The following CADM2 variants were observed in gnomAD, a reference collection of about 807,000 sequenced individuals.
The protein encoded by CADM2 is cell adhesion molecule 2.
Under a neutral mutation model 49.8 loss-of-function variants are expected in CADM2, and 12 were observed. The observed-to-expected ratio is 0.24, with a 90% CI of 0.15 to 0.39. CADM2 has a LOEUF of 0.39. Among genes scored for constraint, CADM2 ranks in the 10% least tolerant of loss-of-function variants. CADM2 has a pLI of 1.00. For missense variants in CADM2, 378 were observed against 492.3 expected (o/e 0.77, Z 2.20); for synonymous variants, 214 against 175.4 (o/e 1.22, Z -1.74).
intron 1 of CADM2, among the ~76,000 whole-genome samples, chr3:85,618,778 A>G (rs62263917): frequency 0.57 from 85,851 of 151,796 alleles, 25,795 homozygotes; most frequent in East Asian, 0.82. Context: ...TCTACTGATC[A>G]AAATTTGTGA....
intron 1 of CADM2, among the ~76,000 whole-genome samples, chr3:85,271,474 A>G (rs1393714392): frequency 6.6e-6 from 1 of 151,314 alleles, no homozygotes; most frequent in Non-Finnish European, 1.5e-5. Context: ...GTTTTGAAAC[A>G]GAAGGCGTTT....
intron 1 of CADM2, among the ~76,000 whole-genome samples, chr3:85,436,653 GA>G (rs1217176754): frequency 6.6e-6 from 1 of 152,090 alleles, no homozygotes; most frequent in Non-Finnish European, 1.5e-5. Context: ...ATTTGAAAGT[GA>G]AAGCAGAAAT....
At chr3:85,263,595 G>T (rs938604102) in intron 1 of CADM2, among the ~76,000 whole-genome samples, 3 of 152,048 alleles carry the variant, frequency 2.0e-5, no homozygotes, top group Admixed American at 6.6e-5. Flanking sequence ...CATGACTCCA[G>T]TGCCAGTGCT....
rs146175218 is a variant in CADM2, at chr3:85,797,399, C to T, written c.89-4648C>T. Among the ~76,000 whole-genome samples the T allele has an allele frequency of 3.7e-3, 561 of 152,242 alleles. 2 individuals carry two copies. The highest frequency in any genetic ancestry group is 0.013 in the African/African-American group (537 of 41,554). On this transcript the variant is annotated intron_variant, in intron 2 of 9. Coordinates refer to ENST00000383699, the MANE Select transcript of CADM2 (RefSeq NM_001167675.2). The stretch of plus-strand genomic sequence containing the variant: ...TTAAGTATTTCTCCAAATGCTATCC[C>T]TCCCCTTACCCCACTACCCCAACAG...
At chr3:85,312,653 A>G (rs1215569418) in intron 1 of CADM2, among the ~76,000 whole-genome samples, 3 of 152,198 alleles carry the variant, frequency 2.0e-5, no homozygotes, top group Admixed American at 1.3e-4. Flanking sequence ...CTCACTATAA[A>G]AATCTAACAG....
At chr3:85,777,510 C>G (rs908717377) in intron 2 of CADM2, among the ~76,000 whole-genome samples, 8 of 152,084 alleles carry the variant, frequency 5.3e-5, no homozygotes, top group Admixed American at 1.3e-4. Context: ...CCGCCTTGGG[C>G]TCCCAAAGTG....
chr3:85,880,109 A>G (rs573505222), intron 3 of CADM2, among the ~76,000 whole-genome samples: 242 of 152,264 alleles, frequency 1.6e-3, no homozygotes, highest in African/African-American at 5.5e-3. Flanking sequence ...GTCTTTATTT[A>G]TAGAGTTTTT....
At chr3:85,679,689 C>T (rs1252452342) in intron 1 of CADM2, among the ~76,000 whole-genome samples, 2 of 152,122 alleles carry the variant, frequency 1.3e-5, no homozygotes, top group Non-Finnish European at 2.9e-5. Flanking sequence ...CCAGCCTGAG[C>T]GCTGCCATTT....
At chr3:85,061,523 G>T (rs1298525672) in intron 1 of CADM2, among the ~76,000 whole-genome samples, 3 of 152,156 alleles carry the variant, frequency 2.0e-5, no homozygotes, top group Admixed American at 6.5e-5. Flanking sequence ...AACATCGGGA[G>T]TATTCCTAAC....
intron 5 of CADM2, among the ~76,000 whole-genome samples, chr3:85,907,654 T>C (rs932517963): frequency 2.6e-5 from 4 of 152,124 alleles, no homozygotes; most frequent in African/African-American, 4.8e-5. Flanking sequence ...CTCACACCTA[T>C]AATCCTAGCA....
At chr3:85,942,342 T>G (rs996697573) in intron 7 of CADM2, among the ~76,000 whole-genome samples, 12 of 151,960 alleles carry the variant, frequency 7.9e-5, no homozygotes, top group Non-Finnish European at 1.5e-4. Context: ...GTTTGTTTGT[T>G]TTTTATTATA....
At chr3:85,079,638 A>G (rs2037086194) in intron 1 of CADM2, among the ~76,000 whole-genome samples, 1 of 151,970 alleles carries the variant, frequency 6.6e-6, no homozygotes, top group East Asian at 1.9e-4. Context: ...CAACACAGTC[A>G]TTATCCTTTG....
At chr3:85,849,790 T>C (rs1438738491) in intron 3 of CADM2, among the ~76,000 whole-genome samples, 2 of 152,156 alleles carry the variant, frequency 1.3e-5, no homozygotes, top group African/African-American at 4.8e-5. Context: ...TAGGATGTGT[T>C]CAAATTTAGT....
intron 1 of CADM2, among the ~76,000 whole-genome samples, chr3:85,080,043 C>A (rs1217092928): frequency 6.6e-6 from 1 of 151,910 alleles, no homozygotes; most frequent in African/African-American, 2.4e-5. Context: ...AGAAAAAAAA[C>A]TTCTTAAATA....
At chr3:85,657,715 TATATATATATACAGATATATATATACAG>T (rs1285053336) in intron 1 of CADM2, among the ~76,000 whole-genome samples, 51 of 53,370 alleles carry the variant, frequency 9.6e-4, no homozygotes, top group African/African-American at 2.0e-3. Flanking sequence ...TATACACAGA[TATATATATATACAGATATATATATACAG>T]ATATATATAT....
intron 3 of CADM2, among the ~76,000 whole-genome samples, chr3:85,848,541 G>A (rs2074973067): frequency 1.3e-5 from 2 of 152,024 alleles, no homozygotes; most frequent in South Asian, 2.1e-4. Flanking sequence ...AGATAATTGT[G>A]TTAATGCAAT....
intron 1 of CADM2, among the ~76,000 whole-genome samples, chr3:85,453,712 T>G (rs908867061): frequency 6.6e-6 from 1 of 152,090 alleles, no homozygotes; most frequent in East Asian, 1.9e-4. Context: ...AAAAAACCTG[T>G]TTAATGTGCA....
At chr3:85,085,968 G>A (rs571879356) in intron 1 of CADM2, among the ~76,000 whole-genome samples, 9 of 152,036 alleles carry the variant, frequency 5.9e-5, no homozygotes, top group Non-Finnish European at 1.0e-4. Context: ...ACTGCACATC[G>A]TCATAATGGG....
chr3:85,372,132 A>G (rs2033284372), intron 1 of CADM2, among the ~76,000 whole-genome samples: 1 of 151,986 alleles, frequency 6.6e-6, no homozygotes, highest in Non-Finnish European at 1.5e-5. Flanking sequence ...GGTGCCATAA[A>G]GTAGTCCTAA....
Sources: allele counts gnomAD v4.1 joint callset (sites outside exome capture counted in the v4.1 genomes callset), GRCh38; gene constraint gnomAD v4.1.1; transcripts MANE v1.5; gene names NCBI Gene and HGNC (gene_info 2026-07-23, HGNC 2026-07-21).